Variants in SHC3 observed in about 807,000 individuals in gnomAD.
SHC3 encodes the protein SHC-transforming protein 3.
SHC3 carries 15 observed loss-of-function variants against 60.4 expected under a neutral mutation model. The ratio of observed to expected loss-of-function variants is 0.25; its 90% CI spans 0.17 to 0.38. The LOEUF is 0.38. SHC3 is among the 10% of genes least tolerant of loss of function. The pLI, the probability that SHC3 is intolerant of heterozygous loss-of-function variation, is 1.00. For missense variants in SHC3, 677 were observed against 786.1 expected, an observed-to-expected ratio of 0.86 and a Z score of 1.66; for synonymous variants, 294 against 325.9, an observed-to-expected ratio of 0.90 and a Z score of 1.05.
intron 2 of SHC3, chr9:89,089,002 A>G (rs1318924486): frequency 6.6e-6 from 1 of 152,206 alleles, no homozygotes; most frequent in African/African-American, 2.4e-5. Flanking sequence ...CTCATCTGCA[A>G]AGCTTCCTGC....
chr9:89,056,590 C>T (rs1824954824), intron 6 of SHC3, among the ~76,000 whole-genome samples: 1 of 152,228 alleles, frequency 6.6e-6, no homozygotes, highest in Non-Finnish European at 1.5e-5. Flanking sequence ...CAGTTTCTCT[C>T]CAAGAGGTTT....
intron 1 of SHC3, among the ~76,000 whole-genome samples, chr9:89,153,000 C>T (rs1438887217): frequency 6.6e-6 from 1 of 152,032 alleles, no homozygotes. Context: ...TACAAAAGAA[C>T]TCAGGGGGTG....
At chr9:89,013,666 T>A in intron 11 of SHC3, 91 bp from the exon 12 acceptor site, 2 of 1,500,528 alleles carry the variant, frequency 1.3e-6, no homozygotes, top group Non-Finnish European at 1.8e-6. Context: ...CCATCTGAAC[T>A]GGCCCAGAAG....
At chr9:89,136,101 G>T (rs2118180044) in intron 1 of SHC3, among the ~76,000 whole-genome samples, 1 of 148,982 alleles carries the variant, frequency 6.7e-6, no homozygotes, top group African/African-American at 2.4e-5. Context: ...TCTCTACCCT[G>T]AGGAGCCCCA....
At position 89,116,091 on chromosome 9, in the gene SHC3, G is replaced by A. The variant is rs147332241; in HGVS notation, c.475-3465C>T. ...ACCACCATCGATGTTGCAAAATTAC[G>A]TGATACTGTGATGAAGGTTGCAGTA... On this transcript the variant is annotated intron_variant, in intron 1 of 11. Transcript: ENST00000375835. 5.9e-5 allele frequency among the ~76,000 whole-genome samples: 9 copies of A among 152,192 alleles called. No homozygotes were observed. The East Asian group carries it at 9.7e-4, about 16-fold the overall frequency.
intron 1 of SHC3, among the ~76,000 whole-genome samples, chr9:89,160,433 C>T (rs765417156): frequency 9.2e-5 from 14 of 152,110 alleles, no homozygotes; most frequent in Non-Finnish European, 1.3e-4. Flanking sequence ...TTTTTTTCCC[C>T]GTTCAACTGA....
At chr9:89,140,564 C>A (rs1327907744) in intron 1 of SHC3, among the ~76,000 whole-genome samples, 1 of 152,132 alleles carries the variant, frequency 6.6e-6, no homozygotes, top group Non-Finnish European at 1.5e-5. Flanking sequence ...ATATTTCCTA[C>A]CTAGTTATTA....
chr9:89,059,105 TGGTGGTGGAGGATGTGGTGGAGGAC>T (rs1564108333), intron 6 of SHC3, among the ~76,000 whole-genome samples: 3 of 111,204 alleles, frequency 2.7e-5, no homozygotes, highest in African/African-American at 1.1e-4. Context: ...TGGTGGAGGA[TGGTGGTGGAGGATGTGGTGGAGGAC>T]GGTGGTGGAG....
intron 1 of SHC3, among the ~76,000 whole-genome samples, chr9:89,134,133 T>C (rs1383071777): frequency 6.6e-6 from 1 of 152,130 alleles, no homozygotes; most frequent in Non-Finnish European, 1.5e-5. Context: ...CAATATGTGT[T>C]TGAGACTACT....
intron 7 of SHC3, 119 bp downstream of exon 7, chr9:89,051,918 C>T: frequency 7.0e-7 from 1 of 1,434,538 alleles, no homozygotes; most frequent in Non-Finnish European, 9.4e-7. Context: ...TGTCTCTGAG[C>T]CCAGGAAGCC....
At chr9:89,110,170 G>T in intron 2 of SHC3, 2 of 985,428 alleles carry the variant, frequency 2.0e-6, no homozygotes, top group Non-Finnish European at 2.4e-6. Context: ...TTCCTGGGGA[G>T]TTTTCAAATC....
intron 1 of SHC3, among the ~76,000 whole-genome samples, chr9:89,158,260 A>G (rs916623457): frequency 6.6e-6 from 1 of 151,928 alleles, no homozygotes; most frequent in African/African-American, 2.4e-5. Context: ...CCTTTGTCTC[A>G]TTAAGTATTT....
intron 1 of SHC3, among the ~76,000 whole-genome samples, chr9:89,173,428 C>T (rs1826897882): frequency 6.6e-6 from 1 of 152,232 alleles, no homozygotes; most frequent in African/African-American, 2.4e-5. Context: ...GACATATACT[C>T]AAAGGTAAGA....
intron 10 of SHC3, among the ~76,000 whole-genome samples, chr9:89,040,166 C>T (rs1486119127): frequency 7.6e-5 from 2 of 26,234 alleles, no homozygotes; most frequent in African/African-American, 1.6e-4. Context: ...TCATCACCAT[C>T]ATCATCACTA....
chr9:89,063,188 G>A (rs1486722636), intron 6 of SHC3, among the ~76,000 whole-genome samples: 1 of 152,184 alleles, frequency 6.6e-6, no homozygotes, highest in Non-Finnish European at 1.5e-5. Flanking sequence ...GGAGTGCAGT[G>A]GTGCGATCTC....
intron 6 of SHC3, among the ~76,000 whole-genome samples, chr9:89,060,910 G>A (rs1282968095): frequency 2.0e-5 from 3 of 152,096 alleles, no homozygotes; most frequent in African/African-American, 7.2e-5. Flanking sequence ...TCGGGAAGGG[G>A]TTGCGGTTGA....
chr9:89,161,596 A>C (rs1826707653), intron 1 of SHC3, among the ~76,000 whole-genome samples: 1 of 152,182 alleles, frequency 6.6e-6, no homozygotes, highest in Non-Finnish European at 1.5e-5. Flanking sequence ...CCACAGACTA[A>C]TAATAAGAGC....
intron 1 of SHC3, among the ~76,000 whole-genome samples, chr9:89,149,044 G>T (rs550939908): frequency 1.3e-5 from 2 of 152,118 alleles, no homozygotes; most frequent in Non-Finnish European, 2.9e-5. Flanking sequence ...CTGTTTACTC[G>T]CCTGAAGAAT....
intron 11 of SHC3, among the ~76,000 whole-genome samples, chr9:89,035,061 C>A (rs1824548854): frequency 6.6e-6 from 1 of 152,202 alleles, no homozygotes; most frequent in Admixed American, 6.5e-5. Flanking sequence ...TTGACCTCCA[C>A]ATTCTCACCA....
Sources: gnomAD v4.1 joint callset for allele counts (sites outside exome capture counted in the v4.1 genomes callset) on GRCh38, gnomAD v4.1.1 for gene constraint, MANE v1.5 for transcripts, NCBI Gene and HGNC (gene_info 2026-07-23, HGNC 2026-07-21) for gene names.